The following PLPPR1 variants were observed in gnomAD, a reference collection of about 807,000 sequenced individuals.
PLPPR1 encodes the protein phospholipid phosphatase related 1.
PLPPR1 carries 10 observed loss-of-function variants against 33.1 expected under a neutral mutation model. The ratio of observed to expected loss-of-function variants is 0.30; its 90% CI spans 0.19 to 0.51. The LOEUF is 0.51. PLPPR1 is among the 20% of genes least tolerant of loss of function. PLPPR1 has a pLI of 0.97. For missense variants in PLPPR1, 304 were observed against 408.1 expected, an observed-to-expected ratio of 0.74 and a Z score of 2.20; for synonymous variants, 151 against 151.0, an observed-to-expected ratio of 1.00 and a Z score of 0.00.
chr9:101,308,142 G>C (rs1828888157), intron 4 of PLPPR1, among the ~76,000 whole-genome samples: 1 of 152,190 alleles, frequency 6.6e-6, no homozygotes, highest in Non-Finnish European at 1.5e-5. Flanking sequence ...CCTGGAAACT[G>C]AATGTTACCT....
At position 101,073,278 on chromosome 9, in the gene PLPPR1, A is replaced by G. The variant is rs772365974; in HGVS notation, c.-46+44176A>G. 2.7e-4 allele frequency among the ~76,000 whole-genome samples: 41 copies of G among 152,280 alleles called. No homozygotes were observed. The Middle Eastern group carries it at 0.01, about 38-fold the overall frequency. The stretch of plus-strand genomic sequence containing the variant: ...ATTTGTTTTGCAGCCAATCTATTGC[A>G]CAAATTGAGGCAGCTGTGCACAGCA... On this transcript the variant is annotated intron_variant, in intron 1 of 7. Coordinates refer to ENST00000374874, the MANE Select transcript of PLPPR1 (RefSeq NM_207299.2).
At chr9:101,099,827 G>A (rs945547487) in intron 1 of PLPPR1, among the ~76,000 whole-genome samples, 1 of 152,054 alleles carries the variant, frequency 6.6e-6, no homozygotes, top group African/African-American at 2.4e-5. Context: ...AATAAATATG[G>A]CTCACCAGAA....
intron 2 of PLPPR1, among the ~76,000 whole-genome samples, chr9:101,189,499 T>A (rs73656182): frequency 3.9e-5 from 6 of 152,140 alleles, no homozygotes; most frequent in Non-Finnish European, 7.4e-5. Context: ...TAATGAGGCA[T>A]GTCTGACCCT....
chr9:101,203,834 A>T (rs902160708), intron 2 of PLPPR1, among the ~76,000 whole-genome samples: 5 of 147,964 alleles, frequency 3.4e-5, no homozygotes, highest in African/African-American at 1.2e-4. Context: ...TGATTTGCAA[A>T]TTTTTTTTCT....
intron 1 of PLPPR1, chr9:101,126,063 C>T (rs1831243010): frequency 1.5e-5 from 3 of 193,906 alleles, no homozygotes; most frequent in South Asian, 1.7e-4. Flanking sequence ...GCCTGTGTGT[C>T]AATCTGTAAG....
intron 1 of PLPPR1, among the ~76,000 whole-genome samples, chr9:101,136,940 T>G (rs949924573): frequency 3.9e-5 from 6 of 152,232 alleles, no homozygotes; most frequent in Admixed American, 1.3e-4. Context: ...AATAATTTAT[T>G]GTACATTTTA....
At chr9:101,271,800 C>T (rs181453063) in intron 3 of PLPPR1, among the ~76,000 whole-genome samples, 89 of 152,246 alleles carry the variant, frequency 5.8e-4, no homozygotes, top group African/African-American at 2.0e-3. Context: ...TGACATATTT[C>T]CTCTCTTCTT....
intron 1 of PLPPR1, among the ~76,000 whole-genome samples, chr9:101,100,435 A>C (rs1418225242): frequency 3.3e-5 from 5 of 152,074 alleles, no homozygotes; most frequent in Non-Finnish European, 7.4e-5. Context: ...AAAAAACCTA[A>C]GACTGCATTT....
chr9:101,238,289 TA>T (rs1217459037), intron 2 of PLPPR1, among the ~76,000 whole-genome samples: 1 of 134,888 alleles, frequency 7.4e-6, no homozygotes, highest in African/African-American at 2.7e-5. Flanking sequence ...CCTATATACA[TA>T]CCCTATATAT....
intron 3 of PLPPR1, among the ~76,000 whole-genome samples, chr9:101,281,058 C>A (rs113149808): frequency 4.3e-4 from 65 of 151,434 alleles, no homozygotes; most frequent in African/African-American, 1.3e-3. Flanking sequence ...AGAACTGATA[C>A]ATAAATTCAA....
intron 2 of PLPPR1, among the ~76,000 whole-genome samples, chr9:101,190,394 A>G (rs1479576356): frequency 6.6e-6 from 1 of 152,080 alleles, no homozygotes; most frequent in Non-Finnish European, 1.5e-5. Flanking sequence ...TCCTTCTGTA[A>G]CTTGGATCTC....
chr9:101,219,534 ATGTG>A (rs1826881975), intron 2 of PLPPR1, among the ~76,000 whole-genome samples: 1 of 152,166 alleles, frequency 6.6e-6, no homozygotes, highest in South Asian at 2.1e-4. Flanking sequence ...ACAGAGATGT[ATGTG>A]TATAATGTTT....
intron 1 of PLPPR1, among the ~76,000 whole-genome samples, chr9:101,150,326 G>A (rs1831566028): frequency 6.6e-6 from 1 of 152,000 alleles, no homozygotes; most frequent in Non-Finnish European, 1.5e-5. Flanking sequence ...CTTTATTGGA[G>A]GAATTCAGTT....
chr9:101,255,585 G>A (rs1416740758), intron 2 of PLPPR1, among the ~76,000 whole-genome samples: 1 of 152,158 alleles, frequency 6.6e-6, no homozygotes, highest in Non-Finnish European at 1.5e-5. Flanking sequence ...GAAGTTTGAT[G>A]TAATTATTTC....
intron 1 of PLPPR1, among the ~76,000 whole-genome samples, chr9:101,183,006 A>C (rs1359368851): frequency 6.6e-6 from 1 of 151,770 alleles, no homozygotes; most frequent in African/African-American, 2.4e-5. Flanking sequence ...TGTCAATGAC[A>C]GTGTGGAGAA....
chr9:101,296,308 G>A (rs1828637028), intron 4 of PLPPR1, among the ~76,000 whole-genome samples: 2 of 152,012 alleles, frequency 1.3e-5, no homozygotes, highest in South Asian at 2.1e-4. Flanking sequence ...AACAGGTGCT[G>A]GAGAGGATGT....
chr9:101,135,212 T>C (rs1010446965), intron 1 of PLPPR1, among the ~76,000 whole-genome samples: 2 of 152,116 alleles, frequency 1.3e-5, no homozygotes, highest in East Asian at 1.9e-4. Flanking sequence ...CCTTTTTCTA[T>C]CCACACCATA....
chr9:101,125,445 A>T (rs1055611933), intron 1 of PLPPR1: 5 of 231,098 alleles, frequency 2.2e-5, no homozygotes, highest in African/African-American at 9.2e-5. Context: ...TTTCCTGGAA[A>T]CCTTTTTTAT....
At chr9:101,315,806 G>C (rs531272705) in intron 6 of PLPPR1, among the ~76,000 whole-genome samples, 2 of 152,286 alleles carry the variant, frequency 1.3e-5, no homozygotes, top group South Asian at 4.1e-4. Context: ...ACTTGGAGAG[G>C]AGACAGAAAA....
Sources: allele counts gnomAD v4.1 joint callset (sites outside exome capture counted in the v4.1 genomes callset), GRCh38; gene constraint gnomAD v4.1.1; transcripts MANE v1.5; gene names NCBI Gene and HGNC (gene_info 2026-07-23, HGNC 2026-07-21).